Variants in TNIP1 observed in about 807,000 individuals in gnomAD.
TNIP1 encodes the protein TNFAIP3-interacting protein 1.
Under a neutral mutation model 86.6 loss-of-function variants are expected in TNIP1, and 22 were observed. That is an observed-to-expected ratio of 0.25 (90% CI 0.18 to 0.36). The LOEUF is 0.36. Ranked by LOEUF, TNIP1 falls within the 10% of genes least tolerant of loss-of-function variation. The pLI is 1.00. For missense variants in TNIP1, 709 were observed against 820.6 expected (o/e 0.86, Z 1.66); for synonymous variants, 294 against 313.0 (o/e 0.94, Z 0.64).
intron 6 of TNIP1, among the ~76,000 whole-genome samples, chr5:151,054,457 G>A (rs1198051541): frequency 6.6e-6 from 1 of 152,116 alleles, no homozygotes; most frequent in Non-Finnish European, 1.5e-5. Context: ...GAGGCAGGAG[G>A]ATCACTTGAG....
At chr5:151,087,434 C>T (rs1049072838), upstream of TNIP1, among the ~76,000 whole-genome samples, 2 of 152,166 alleles carry the variant, frequency 1.3e-5, no homozygotes, top group African/African-American at 4.8e-5. Flanking sequence ...GGAAAAGGCA[C>T]CCGAGAATGG....
chr5:151,075,264 A>G (rs968775918), intron 1 of TNIP1, among the ~76,000 whole-genome samples: 3 of 152,194 alleles, frequency 2.0e-5, no homozygotes, highest in Non-Finnish European at 4.4e-5. Context: ...CAGATGAGTG[A>G]GCATGTAGGT....
chr5:151,055,017 C>T (rs549115430), intron 6 of TNIP1, among the ~76,000 whole-genome samples: 36 of 152,320 alleles, frequency 2.4e-4, no homozygotes, highest in Admixed American at 7.2e-4. Context: ...GGGTGCAAAC[C>T]GGCCAATGGA....
Position 151,030,730 on chromosome 5 carries a change from G to T in TNIP1, c.1894C>A (p.Arg632Ser). The T allele has an allele frequency of 6.2e-7, 1 of 1,611,562 alleles. No homozygotes were observed. The highest frequency in any genetic ancestry group is 8.5e-7 in the Non-Finnish European group (1 of 1,179,240). Residue 632 changes from arginine to serine, a missense_variant, in exon 18 of 18, where the codon CGT (arginine) becomes AGT (serine). Physicochemically the swap from Arg to Ser is moderately radical, Grantham distance 110. Coordinates refer to ENST00000521591, the MANE Select transcript of TNIP1 (RefSeq NM_006058.5). ...PTEPESPKNDREGPQ is the reference protein window; with the variant it reads ...PTEPESPKNDSEGPQ ...ATCTGGTCTCACTGAGGCCCCTCAC[G>T]GTCATTTTTTGGAGACTCTAAATAA...
At position 151,064,967 on chromosome 5, in the gene TNIP1, C is replaced by T. The variant is rs774071469; in HGVS notation, c.129G>A (p.Lys43=). 7.4e-6 allele frequency: 12 copies of T among 1,614,154 alleles called. No homozygotes were observed. The South Asian group carries it at 1.3e-4, about 18-fold the overall frequency. The stretch of plus-strand genomic sequence containing the variant: ...GGACAGGGTCTGCTTTACCTAACAT[C>T]TTTATCCCTTGCATTTTTTCCTTCA... ...SRLKEKMQGI[K]MLGELLEESQ... Residue 43 remains lysine, a synonymous_variant, in exon 2 of 18, where the codon AAG becomes AAA. Transcript: ENST00000521591.
chr5:151,041,940 CTTT>C (rs534852391), intron 11 of TNIP1, among the ~76,000 whole-genome samples: 1 of 131,872 alleles, frequency 7.6e-6, no homozygotes, highest in African/African-American at 2.8e-5. Context: ...CTGCTTGGAT[CTTT>C]TTTTTTTTTT....
chr5:151,080,651 T>C (rs1763907696), intron 1 of TNIP1, among the ~76,000 whole-genome samples: 2 of 152,276 alleles, frequency 1.3e-5, no homozygotes, highest in African/African-American at 2.4e-5. Context: ...CCAGGCGTGC[T>C]ACCCCGCGCA....
chr5:151,043,024 T>G, intron 9 of TNIP1, 63 bp from the exon 10 acceptor site: 2 of 1,557,574 alleles, frequency 1.3e-6, no homozygotes, highest in Non-Finnish European at 1.8e-6. Context: ...AGCCATCTCC[T>G]GCCCCATGTA....
At chr5:151,052,592 C>A (rs2112635) in intron 6 of TNIP1, among the ~76,000 whole-genome samples, 4 of 151,992 alleles carry the variant, frequency 2.6e-5, no homozygotes, top group Non-Finnish European at 5.9e-5. Context: ...TGACTTCTAC[C>A]CTTCTTTGAA....
chr5:151,036,877 T>G lies in TNIP1; in HGVS notation c.1308A>C (p.Pro436=). The G allele has an allele frequency of 6.2e-7, 1 of 1,612,832 alleles. No homozygotes were observed. The part of the protein sequence containing the change: ...ALSIQTPPSS[P]PTAFGSPEGA... ...CTTCTGGGCTCCCAAATGCTGTTGG[T>G]GGAGATGATGGCGGGGTTTGGATGC... The change falls in exon 13 of 18, where the codon CCA becomes CCC. Residue 436 remains proline (P), a synonymous_variant. Coordinates refer to ENST00000521591, the MANE Select transcript of TNIP1 (RefSeq NM_006058.5).
At chr5:151,048,634 C>T (rs4292439) in intron 8 of TNIP1, among the ~76,000 whole-genome samples, 113,664 of 152,068 alleles carry the variant, frequency 0.75, 43,891 homozygotes, top group East Asian at 0.97. Context: ...TCAAGGAAGA[C>T]GAGTGGAGAT....
chr5:151,066,374 T>C (rs181118425), intron 1 of TNIP1, among the ~76,000 whole-genome samples: 2 of 152,276 alleles, frequency 1.3e-5, no homozygotes, highest in East Asian at 3.9e-4. Context: ...GGCCAAGGCC[T>C]TCACTGGGGA....
intron 12 of TNIP1, chr5:151,037,586 C>T (rs913897152): frequency 1.3e-5 from 2 of 152,260 alleles, no homozygotes; most frequent in African/African-American, 4.8e-5. Flanking sequence ...TACTCTTAAT[C>T]TATCATGTTC....
chr5:151,053,593 G>A (rs1330742328), intron 6 of TNIP1, among the ~76,000 whole-genome samples: 1 of 152,194 alleles, frequency 6.6e-6, no homozygotes. Flanking sequence ...ACAGGCTGGG[G>A]GGAAGGGAAG....
intron 6 of TNIP1, among the ~76,000 whole-genome samples, chr5:151,053,513 G>A (rs932687076): frequency 1.3e-5 from 2 of 152,200 alleles, no homozygotes; most frequent in African/African-American, 4.8e-5. Context: ...ACTTGCTTAT[G>A]TGCGGGGACT....
chr5:151,042,576 C>T lies in TNIP1; in HGVS notation c.1098G>A (p.Lys366=), dbSNP rs773316876. The T allele has an allele frequency of 2.5e-6, 4 of 1,613,568 alleles. No individual in the cohort carries two copies. In the South Asian group the frequency reaches 4.4e-5, roughly 18 times the overall value. ...REQKQRDFDR[K]LLLAKSKIEM... ...CAATCTTGGACTTGGCCAGGAGGAG[C>T]TTGCGGTCAAAGTCACGCTGCTTCT... The change falls in exon 11 of 18, where the codon AAG becomes AAA. Residue 366 remains lysine, a synonymous_variant. Transcript: ENST00000521591.
intron 1 of TNIP1, among the ~76,000 whole-genome samples, chr5:151,073,556 A>G (rs1156431842): frequency 1.5e-5 from 2 of 135,602 alleles, no homozygotes; most frequent in East Asian, 4.3e-4. Context: ...TATGTGTAAC[A>G]GGATGCTATT....
chr5:151,075,045 T>A (rs1107239), intron 1 of TNIP1, among the ~76,000 whole-genome samples: 19,403 of 152,150 alleles, frequency 0.13, 1,291 homozygotes, highest in African/African-American at 0.18. Context: ...CCTCCCAAAG[T>A]GCCAGTAAGG....
At chr5:151,031,371 C>A (rs1045417381) in intron 17 of TNIP1, among the ~76,000 whole-genome samples, 25 of 152,182 alleles carry the variant, frequency 1.6e-4, no homozygotes, top group African/African-American at 6.0e-4. Flanking sequence ...GTCATTCCCA[C>A]CCACTAGTTA....
Sources: allele counts gnomAD v4.1 joint callset (sites outside exome capture counted in the v4.1 genomes callset), GRCh38; gene constraint gnomAD v4.1.1; transcripts MANE v1.5; gene names NCBI Gene and HGNC (gene_info 2026-07-23, HGNC 2026-07-21).